The following PARP10 variants were observed in gnomAD, a reference collection of about 807,000 sequenced individuals.
PARP10 encodes protein mono-ADP-ribosyltransferase PARP10.
Under a neutral mutation model 82.4 loss-of-function variants are expected in PARP10, and 56 were observed. That is an observed-to-expected ratio of 0.68 (90% CI 0.55 to 0.85). PARP10 has a LOEUF of 0.85. PARP10 is among the 40% of genes least tolerant of loss of function. PARP10 has a pLI of 0.00. For synonymous variants in PARP10, 576 were observed against 601.1 expected, an observed-to-expected ratio of 0.96 and a Z score of 0.61; for missense variants, 1,227 against 1,379.4, an observed-to-expected ratio of 0.89 and a Z score of 1.75.
chr8:143,987,899 A>C (rs1401610952), upstream of PARP10, among the ~76,000 whole-genome samples: 1 of 150,890 alleles, frequency 6.6e-6, no homozygotes, highest in Non-Finnish European at 1.5e-5. Context: ...TAAAAAAAAA[A>C]CAAAAACCCA....
intron 1 of PARP10, among the ~76,000 whole-genome samples, chr8:143,999,136 G>T (rs1285598759): frequency 6.6e-6 from 1 of 151,800 alleles, no homozygotes; most frequent in African/African-American, 2.4e-5. Context: ...CAATCTCTTG[G>T]ACTCAAGATC....
intron 1 of PARP10, among the ~76,000 whole-genome samples, chr8:144,009,899 T>C (rs937776306): frequency 1.3e-5 from 2 of 152,168 alleles, no homozygotes; most frequent in Admixed American, 6.5e-5. Context: ...GCACCACCTG[T>C]GAACCAGCCA....
At chr8:143,987,355 G>A (rs782561388), upstream of PARP10, among the ~76,000 whole-genome samples, 1 of 152,124 alleles carries the variant, frequency 6.6e-6, no homozygotes, top group Non-Finnish European at 1.5e-5. Flanking sequence ...CACCCCTGCT[G>A]TTCCTCCCTC....
At chr8:143,999,241 G>A (rs868931652) in intron 1 of PARP10, among the ~76,000 whole-genome samples, 4 of 151,538 alleles carry the variant, frequency 2.6e-5, no homozygotes, top group East Asian at 1.9e-4. Flanking sequence ...TCACTTTGTC[G>A]CCCAGGCTGG....
At position 143,978,096 on chromosome 8, in the gene PARP10, C is replaced by A; in HGVS notation, c.2557-15G>T. ...ACGCGCTCCACCTGCGGGGAAGGCC[C>A]GGGCCAGGATTAAACACCCTCCCTA... is the stretch of plus-strand genomic sequence containing the variant. On this transcript the variant is annotated splice_polypyrimidine_tract_variant and intron_variant, in intron 9 of 10. Coordinates refer to ENST00000313028, the MANE Select transcript of PARP10 (RefSeq NM_032789.5). 4 of 1,493,626 alleles carry A rather than the reference C, an allele frequency of 2.7e-6. No individual in the cohort carries two copies. Among genetic ancestry groups the A allele is most frequent in the Non-Finnish European group, 3.6e-6 (4 of 1,122,248 alleles). The allele number at this position is 1,493,626 out of a possible 1,614,324, so 92.5% of individuals were successfully genotyped here.
At position 143,983,600 on chromosome 8, in the gene PARP10, T is replaced by C. The variant is rs781813189; in HGVS notation, c.1989A>G (p.Ser663=). 60 of 1,604,788 alleles carry C rather than the reference T, an allele frequency of 3.7e-5. No homozygotes were observed. In the South Asian group the frequency reaches 6.5e-4, roughly 17 times the overall value. Residue 663 remains serine, a synonymous_variant, in exon 8 of 11, where the codon TCA becomes TCG. Coordinates refer to ENST00000313028, the MANE Select transcript of PARP10 (RefSeq NM_032789.5). The part of the protein sequence containing the change: ...EAALQLALHR[S]LEPQGQVAEQ... ...CAGCCACCTGACCTTGAGGCTCCAG[T>C]GACCGGTGGAGGGCCAGCTGCAGAG...
rs556595779 is a variant in PARP10 at position 143,978,730 on chromosome 8, C to T, written c.2557-649G>A. On this transcript the variant is annotated intron_variant, in intron 9 of 10. Coordinates refer to ENST00000313028, the MANE Select transcript of PARP10 (RefSeq NM_032789.5). The stretch of plus-strand genomic sequence containing the variant: ...GAACTGATGCAGAGTGAGAAGCTAA[C>T]GGAAGAGAAAGGAACTCCGAGGGAG... Among the ~76,000 whole-genome samples, 70 of 152,108 alleles carry T rather than the reference C, an allele frequency of 4.6e-4. 1 individual carries two copies. The highest frequency in any genetic ancestry group is 1.7e-3 in the African/African-American group (69 of 41,488).
chr8:144,004,410 C>T (rs1452472937), intron 1 of PARP10, among the ~76,000 whole-genome samples: 1 of 152,150 alleles, frequency 6.6e-6, no homozygotes, highest in Non-Finnish European at 1.5e-5. Flanking sequence ...CATGACCAGG[C>T]ATTCACTGGC....
Position 143,986,085 on chromosome 8 carries a change from C to CT in PARP10, c.150_151insA (p.Gly51ArgfsTer94). On this transcript the variant is annotated frameshift_variant, in exon 2 of 11. Transcript: ENST00000313028. LOFTEE classifies it high-confidence loss of function. ...GGCTCTCTGAAGGTGAGGACGCCCC[C>CT]ACAGCCCAGTCTCTGCCAGCTCAAC... The CT allele has an allele frequency of 1.2e-6, 2 of 1,614,068 alleles. No individual in the cohort carries two copies. Among genetic ancestry groups the CT allele is most frequent in the Non-Finnish European group, 8.5e-7 (1 of 1,179,998 alleles).
upstream of PARP10, among the ~76,000 whole-genome samples, chr8:143,995,515 G>A (rs1056226955): frequency 2.6e-5 from 4 of 152,142 alleles, no homozygotes; most frequent in Non-Finnish European, 4.4e-5. Flanking sequence ...GAATCGGCAC[G>A]GGGTGCTCAC....
upstream of PARP10, among the ~76,000 whole-genome samples, chr8:143,995,706 G>A (rs930946125): frequency 1.3e-5 from 2 of 152,144 alleles, no homozygotes. Context: ...GCTAGGAGCT[G>A]TCCTGGCACT....
chr8:143,996,335 T>C (rs1290818686), intron 1 of PARP10, among the ~76,000 whole-genome samples: 3 of 152,246 alleles, frequency 2.0e-5, no homozygotes, highest in African/African-American at 7.2e-5. Flanking sequence ...CAGACATCTA[T>C]GGAACAAAAT....
rs1833711960 is a variant in PARP10, at chr8:143,977,335, C to T, written c.*149G>A. Reference sequence around the variant, plus strand: ...GGCCCCCCTCGGCCGCTGCTGACCGCCATCCCCCACACCGCCTTCTGGAGC... The same window carrying T: ...GGCCCCCCTCGGCCGCTGCTGACCGTCATCCCCCACACCGCCTTCTGGAGC... On this transcript the variant is annotated 3_prime_UTR_variant, in exon 11 of 11. Coordinates refer to ENST00000313028, the MANE Select transcript of PARP10 (RefSeq NM_032789.5). 3 of 849,322 alleles carry T rather than the reference C, an allele frequency of 3.5e-6. No individual in the cohort carries two copies. Among genetic ancestry groups the T allele is most frequent in the Non-Finnish European group, 5.3e-6 (3 of 567,314 alleles). 52.6% of individuals were successfully genotyped at this position (849,322 alleles called of 1,614,324 possible).
Position 143,983,102 on chromosome 8 carries a change from C to A in PARP10, c.2423-37G>T, listed in dbSNP as rs782010954. The A allele has an allele frequency of 1.9e-6, 3 of 1,613,374 alleles. No individual in the cohort carries two copies. The African/African-American group carries it at 4.0e-5, about 22-fold the overall frequency. The stretch of plus-strand genomic sequence containing the variant: ...GGAAAAGCGGGGGGTCAGAGCCATG[C>A]CTGGGGCACTAGCCCCTGCTAACCA... On this transcript the variant is annotated intron_variant, in intron 8 of 10. Coordinates refer to ENST00000313028, the MANE Select transcript of PARP10 (RefSeq NM_032789.5).
rs1554746614 is a variant in PARP10, at chr8:143,977,761, G to A, written c.2801C>T (p.Pro934Leu). ...ASLSVQDRYS[P>L]PNADGHKAVF... is the part of the protein sequence containing the mutation. ...CGCCTTATGGCCATCGGCGTTGGGG[G>A]GCGAGTAGCGGTCCTGCACCGACAG... Residue 934 changes from proline (P) to leucine (L), a missense_variant, in exon 11 of 11, where the codon CCC becomes CTC. Pro to Leu is a moderately conservative substitution (Grantham distance 98, BLOSUM62 -3). Coordinates refer to ENST00000313028, the MANE Select transcript of PARP10 (RefSeq NM_032789.5). 1 of 1,604,236 alleles carries A rather than the reference G, an allele frequency of 6.2e-7. No homozygotes were observed. Among genetic ancestry groups the A allele is most frequent in the Non-Finnish European group, 8.5e-7 (1 of 1,176,112 alleles).
rs1318107141 is a variant in PARP10, at chr8:143,984,932, A to G, written c.1070T>C (p.Leu357Pro). ...EQVSSMPMGS[L>P]EHEGLVSLRP... ...CAGGCTTACCAGCCCCTCATGTTCC[A>G]GAGACCCCATGGGCATCGAGCTGAC... Residue 357 changes from leucine to proline, a missense_variant, in exon 5 of 11, where the codon CTG (leucine) becomes CCG (proline). Coordinates refer to ENST00000313028, the MANE Select transcript of PARP10 (RefSeq NM_032789.5). 1 of 1,613,800 alleles carries G rather than the reference A, an allele frequency of 6.2e-7. No homozygotes were observed. Among genetic ancestry groups the G allele is most frequent in the African/African-American group, 1.3e-5 (1 of 74,876 alleles).
At chr8:143,991,760 A>G (rs782226443), upstream of PARP10, 1 of 1,613,794 alleles carries the variant, frequency 6.2e-7, no homozygotes, top group African/African-American at 1.3e-5. Flanking sequence ...CTTCCCTGCC[A>G]CCAACTGGGA....
chr8:143,979,763 C>T (rs1422913903), intron 9 of PARP10, among the ~76,000 whole-genome samples: 2 of 152,112 alleles, frequency 1.3e-5, no homozygotes, highest in Non-Finnish European at 2.9e-5. Flanking sequence ...TGGTGGCTCA[C>T]GCCTGTAATC....
intron 9 of PARP10, among the ~76,000 whole-genome samples, chr8:143,978,751 G>A (rs1388554999): frequency 6.6e-6 from 1 of 152,116 alleles, no homozygotes; most frequent in Non-Finnish European, 1.5e-5. Flanking sequence ...GGAACTCCGA[G>A]GGAGCAGGTG....
Sources: gnomAD v4.1 joint callset for allele counts (sites outside exome capture counted in the v4.1 genomes callset) on GRCh38, gnomAD v4.1.1 for gene constraint, MANE v1.5 for transcripts, NCBI Gene and HGNC (gene_info 2026-07-23, HGNC 2026-07-21) for gene names.